Variants in SUGP1 observed in about 807,000 individuals in gnomAD.
The protein encoded by SUGP1 is SURP and G-patch domain-containing protein 1.
Under a neutral mutation model 76.5 loss-of-function variants are expected in SUGP1, and 34 were observed. The observed-to-expected ratio is 0.44, with a 90% CI of 0.34 to 0.59. SUGP1 has a LOEUF of 0.59. Among genes scored for constraint, SUGP1 ranks in the 20% least tolerant of loss-of-function variants. The pLI is 0.01. For synonymous variants in SUGP1, 326 were observed against 326.2 expected (o/e 1.00, Z 0.01); for missense variants, 752 against 851.7 (o/e 0.88, Z 1.46).
rs143551113 is a variant in SUGP1, at chr19:19,300,715, C to G, written c.887+1550G>C. Among the ~76,000 whole-genome samples, 1,266 of 152,302 alleles carry G rather than the reference C, an allele frequency of 8.3e-3. 13 individuals carry two copies. The highest frequency in any genetic ancestry group is 9.0e-3 in the Non-Finnish European group (609 of 68,008). ...TGCGGAAATGAGCTCCCTTCAGCCT[C>G]GTCTCCTCTGGCTGCCCGGGGTACC... On this transcript the variant is annotated intron_variant, in intron 7 of 13. Transcript: ENST00000247001.
At chr19:19,297,445 G>C in intron 7 of SUGP1, 101 bp from the exon 8 acceptor site, 1 of 914,686 alleles carries the variant, frequency 1.1e-6, no homozygotes. Flanking sequence ...ACGTTGGCCA[G>C]GGTCACTATA....
At chr19:19,288,630 C>A (rs1354258050) in intron 8 of SUGP1, among the ~76,000 whole-genome samples, 1 of 151,960 alleles carries the variant, frequency 6.6e-6, no homozygotes. Context: ...TGGTACAGGG[C>A]TATAGTCCCA....
intron 8 of SUGP1, among the ~76,000 whole-genome samples, chr19:19,296,452 C>G (rs1437832070): frequency 6.6e-6 from 1 of 152,062 alleles, no homozygotes; most frequent in African/African-American, 2.4e-5. Context: ...AGAGACCATC[C>G]TGGCTAACAC....
At chr19:19,294,921 C>G (rs1216110253) in intron 8 of SUGP1, among the ~76,000 whole-genome samples, 2 of 152,028 alleles carry the variant, frequency 1.3e-5, no homozygotes, top group Admixed American at 6.6e-5. Context: ...AAAGTATTTG[C>G]AAATCACATA....
At chr19:19,302,065 A>G (rs1350074991) in intron 7 of SUGP1, 200 bp downstream of exon 7, 2 of 726,172 alleles carry the variant, frequency 2.8e-6, no homozygotes. Context: ...TGCCTCAGAG[A>G]CTACCCAGGG....
intron 2 of SUGP1, among the ~76,000 whole-genome samples, chr19:19,314,565 T>C (rs191282460): frequency 1.4e-4 from 21 of 152,292 alleles, no homozygotes; most frequent in South Asian, 4.1e-4. Context: ...AACCAGGACA[T>C]TCTGGGCACC....
chr19:19,296,830 G>C (rs2061229291), intron 8 of SUGP1, among the ~76,000 whole-genome samples, 159 bp downstream of exon 8: 1 of 152,130 alleles, frequency 6.6e-6, no homozygotes, highest in African/African-American at 2.4e-5. Flanking sequence ...ACAGATGAGT[G>C]GGTAAGCCAA....
Position 19,308,716 on chromosome 19 carries a change from T to C in SUGP1, c.310+1381A>G, listed in dbSNP as rs558513678. 3.9e-5 allele frequency among the ~76,000 whole-genome samples: 6 copies of C among 152,354 alleles called. No homozygotes were observed. The South Asian group carries it at 1.2e-3, about 32-fold the overall frequency. On this transcript the variant is annotated intron_variant, in intron 3 of 13. Transcript: ENST00000247001. ...GCTGGTGGGTTCAAGCTGACCCAGC[T>C]TGGGGATGCCTCCCATCTCCCAAAG...
At chr19:19,303,322 A>G in intron 6 of SUGP1, 26 bp downstream of exon 6, 1 of 1,603,210 alleles carries the variant, frequency 6.2e-7, no homozygotes. Flanking sequence ...CCTCCCCAGA[A>G]TCTCCCACCC....
intron 3 of SUGP1, among the ~76,000 whole-genome samples, chr19:19,307,105 G>A (rs1332881859): frequency 6.6e-6 from 1 of 152,142 alleles, no homozygotes; most frequent in African/African-American, 2.4e-5. Context: ...GTGCAGTGGT[G>A]CAATCATGGT....
Position 19,276,357 on chromosome 19 carries a change from C to G in SUGP1, c.*291G>C. On this transcript the variant is annotated 3_prime_UTR_variant, in exon 14 of 14. Transcript: ENST00000247001. ...TGAGACACTGCACCTGGCCTTCCAG[C>G]TTTACTATGCTGAAAACAACTTTCT... The G allele has an allele frequency of 2.7e-6, 1 of 369,784 alleles. No homozygotes were observed. Among genetic ancestry groups the G allele is most frequent in the Non-Finnish European group, 5.0e-6 (1 of 199,222 alleles). The allele number at this position is 369,784 out of a possible 1,614,324, so 22.9% of individuals were successfully genotyped here.
intron 2 of SUGP1, among the ~76,000 whole-genome samples, chr19:19,313,178 G>A (rs889127208): frequency 6.6e-6 from 1 of 151,922 alleles, no homozygotes; most frequent in Non-Finnish European, 1.5e-5. Context: ...CGGATCACCT[G>A]AGGTCAGGAG....
chr19:19,292,544 A>C (rs1432545145), intron 8 of SUGP1, among the ~76,000 whole-genome samples: 1 of 152,114 alleles, frequency 6.6e-6, no homozygotes, highest in Non-Finnish European at 1.5e-5. Context: ...TCTACTAAAA[A>C]TACAAAAATT....
chr19:19,294,162 G>C (rs2061206793), intron 8 of SUGP1, among the ~76,000 whole-genome samples: 2 of 151,774 alleles, frequency 1.3e-5, no homozygotes, highest in African/African-American at 4.8e-5. Flanking sequence ...ACTCCAGCCT[G>C]CGTGACAGAG....
Position 19,278,843 on chromosome 19 carries a change from G to A in SUGP1, c.1529-47C>T. ...TGAGAAGAGGGAGAAGCAGGAAGGAGGGGAGCAGGCCTGGTGGCTCCCAGG... is the reference window on the plus strand; with the variant it reads ...TGAGAAGAGGGAGAAGCAGGAAGGAAGGGAGCAGGCCTGGTGGCTCCCAGG... On this transcript the variant is annotated intron_variant, in intron 10 of 13. Coordinates refer to ENST00000247001, the MANE Select transcript of SUGP1 (RefSeq NM_172231.4). The A allele has an allele frequency of 1.9e-6, 3 of 1,574,598 alleles. No individual in the cohort carries two copies. The South Asian group carries it at 3.5e-5, about 18-fold the overall frequency.
At chr19:19,307,709 A>G (rs1338708469) in intron 3 of SUGP1, among the ~76,000 whole-genome samples, 1 of 149,760 alleles carries the variant, frequency 6.7e-6, no homozygotes, top group Non-Finnish European at 1.5e-5. Flanking sequence ...CCCAGGCTGG[A>G]GTGCAGTGGC....
At chr19:19,310,042 C>T in intron 3 of SUGP1, 55 bp downstream of exon 3, 1 of 1,451,782 alleles carries the variant, frequency 6.9e-7, no homozygotes, top group South Asian at 1.1e-5. Flanking sequence ...ATGTGCCCAG[C>T]AACCCCAGGG....
chr19:19,308,286 C>T (rs1283963047), intron 3 of SUGP1, among the ~76,000 whole-genome samples: 1 of 152,172 alleles, frequency 6.6e-6, no homozygotes, highest in Non-Finnish European at 1.5e-5. Context: ...CTGTCCCCTT[C>T]GGCCTCCCAA....
chr19:19,277,652 T>G (rs564717516), intron 12 of SUGP1, 82 bp downstream of exon 12: 1 of 1,538,668 alleles, frequency 6.5e-7, no homozygotes, highest in African/African-American at 1.4e-5. Flanking sequence ...AGCGATGACA[T>G]AAAGGGGTGG....
Sources: allele counts gnomAD v4.1 joint callset (sites outside exome capture counted in the v4.1 genomes callset), GRCh38; gene constraint gnomAD v4.1.1; transcripts MANE v1.5; gene names NCBI Gene and HGNC (gene_info 2026-07-23, HGNC 2026-07-21).